The following FAHD1 variants were observed in gnomAD, a reference collection of about 807,000 sequenced individuals.
FAHD1 encodes oxaloacetate tautomerase FAHD1, mitochondrial.
Under a neutral mutation model 12.7 loss-of-function variants are expected in FAHD1, and 14 were observed. The ratio of observed to expected loss-of-function variants is 1.10; its 90% confidence interval spans 0.73 to 1.72. FAHD1 has a LOEUF of 1.72. Ranked by LOEUF, FAHD1 falls within the 40% of genes most tolerant of loss-of-function variation. FAHD1 has a pLI of 0.00. For synonymous variants in FAHD1, 153 were observed against 124.9 expected, an observed-to-expected ratio of 1.22 and a Z score of -1.50; for missense variants, 351 against 298.9, an observed-to-expected ratio of 1.17 and a Z score of -1.29.
chr16:1,828,117 T>C, exon 1 of FAHD1: 1 of 1,018,544 alleles, frequency 9.8e-7, no homozygotes, highest in Non-Finnish European at 1.3e-6. Flanking sequence ...CCGTCTCTAC[T>C]AAAAATACAA....
chr16:1,827,677 C>G (rs766424745), exon 1 of FAHD1: 1 of 1,614,146 alleles, frequency 6.2e-7, no homozygotes, highest in Non-Finnish European at 8.5e-7. Flanking sequence ...GAAGCTCTGG[C>G]TCAAGGTCAA....
chr16:1,827,601 C>T (rs752036004), exon 1 of FAHD1: 1 of 1,613,858 alleles, frequency 6.2e-7, no homozygotes, highest in African/African-American at 1.3e-5. Flanking sequence ...TGGCGAAGAG[C>T]TTCACGGCGT....
chr16:1,835,323 G>A (rs918606660), intron 1 of FAHD1, among the ~76,000 whole-genome samples: 1 of 152,020 alleles, frequency 6.6e-6, no homozygotes, highest in African/African-American at 2.4e-5. Flanking sequence ...ACTACCAACT[G>A]TGATAGACTT....
intron 2 of FAHD1, chr16:1,839,186 C>G: frequency 2.1e-6 from 3 of 1,451,360 alleles, no homozygotes; most frequent in Non-Finnish European, 2.7e-6. Flanking sequence ...ACAAAACAAC[C>G]TATATTTTTT....
exon 3 of FAHD1, chr16:1,839,687 A>G: frequency 2.4e-6 from 1 of 418,730 alleles, no homozygotes; most frequent in Non-Finnish European, 4.3e-6. Flanking sequence ...CCCTCTGCCA[A>G]GCCCTCGAGG....
intron 1 of FAHD1, chr16:1,834,509 G>A (rs945598677): frequency 5.6e-6 from 3 of 535,432 alleles, no homozygotes; most frequent in African/African-American, 3.9e-5. Context: ...CATTAGAGCT[G>A]TAAGATGATG....
At chr16:1,830,917 T>TACACACACACACACAC (rs1555470124), downstream of FAHD1, among the ~76,000 whole-genome samples, 2,631 of 114,778 alleles carry the variant, frequency 0.023, 52 homozygotes, top group East Asian at 0.066. Flanking sequence ...TCTCTCTCTA[T>TACACACACACACACAC]ACACACACAC....
At chr16:1,832,199 A>G (rs1189821655), downstream of FAHD1, among the ~76,000 whole-genome samples, 2 of 5,174 alleles carry the variant, frequency 3.9e-4, no homozygotes, top group East Asian at 8.2e-3. Context: ...TTTTTGAGAC[A>G]AAGTCTTGCT....
intron 1 of FAHD1, chr16:1,837,568 G>C (rs1209492674): frequency 5.7e-6 from 2 of 351,224 alleles, no homozygotes; most frequent in African/African-American, 4.2e-5. Flanking sequence ...TTTCTTTGTT[G>C]GTCTATTTTC....
At chr16:1,837,816 A>C (rs1898789899) in intron 1 of FAHD1, 1 of 1,541,314 alleles carries the variant, frequency 6.5e-7, no homozygotes, top group African/African-American at 1.4e-5. Context: ...TCCAAGAGAA[A>C]TTGCCACTTT....
downstream of FAHD1, among the ~76,000 whole-genome samples, chr16:1,831,848 G>A (rs1596955995): frequency 1.3e-5 from 2 of 152,226 alleles, no homozygotes; most frequent in East Asian, 3.9e-4. Context: ...CTCCTTATGA[G>A]TATCTAATGC....
chr16:1,828,659 G>A, exon 1 of FAHD1: 9 of 951,616 alleles, frequency 9.5e-6, no homozygotes, highest in Non-Finnish European at 1.0e-5. Flanking sequence ...GCCCATCTCG[G>A]ACTTGCTGAA....
exon 1 of FAHD1, chr16:1,827,292 C>T (rs1898491732): frequency 6.2e-7 from 1 of 1,613,174 alleles, no homozygotes; most frequent in African/African-American, 1.3e-5. Context: ...AGAACATCGT[C>T]TGCGTGGGGA....
exon 1 of FAHD1, chr16:1,828,085 T>C (rs1898541170): frequency 8.3e-7 from 1 of 1,211,928 alleles, no homozygotes. Context: ...ATCCAGACCA[T>C]CTTGGCTAAC....
chr16:1,828,665 C>T, exon 1 of FAHD1: 1 of 944,118 alleles, frequency 1.1e-6, no homozygotes, highest in Non-Finnish European at 1.3e-6. Flanking sequence ...CTCGGACTTG[C>T]TGAATCAATT....
chr16:1,827,626 G>C, exon 1 of FAHD1: 2 of 1,613,982 alleles, frequency 1.2e-6, no homozygotes, highest in Non-Finnish European at 1.7e-6. Context: ...CCCGGTCAGC[G>C]CGTTCGTGCC....
Position 1,827,788 on chromosome 16 carries a change from A to AT in FAHD1, c.552dup (p.Ile185TyrfsTer13). The stretch of plus-strand genomic sequence containing the variant: ...GATCATAACCTTGGAAGAAGGAGAT[A>AT]TTATCTTGACTGGGACGCCAAAGGG... On this transcript the variant is annotated frameshift_variant, in exon 1 of 1. Coordinates refer to ENST00000427358, the Ensembl canonical transcript of FAHD1. LOFTEE classifies it high-confidence loss of function. 1 of 1,614,160 alleles carries AT rather than the reference A, an allele frequency of 6.2e-7. No homozygotes were observed. The highest frequency in any genetic ancestry group is 8.5e-7 in the Non-Finnish European group (1 of 1,180,038).
chr16:1,834,441 T>C, intron 1 of FAHD1: 5 of 777,420 alleles, frequency 6.4e-6, no homozygotes, highest in Non-Finnish European at 6.7e-6. Flanking sequence ...GAAAAATCAA[T>C]GATCACGAAT....
downstream of FAHD1, among the ~76,000 whole-genome samples, chr16:1,832,815 C>T (rs1898648116): frequency 6.6e-6 from 1 of 152,070 alleles, no homozygotes; most frequent in Admixed American, 6.5e-5. Context: ...GCTTCACAAA[C>T]CCCCCAGTTC....
Sources: gnomAD v4.1 joint callset for allele counts (sites outside exome capture counted in the v4.1 genomes callset) on GRCh38, gnomAD v4.1.1 for gene constraint, MANE v1.5 for transcripts, NCBI Gene and HGNC (gene_info 2026-07-23, HGNC 2026-07-21) for gene names.